TANGO6: variants seen among roughly 807,000 people sequenced by gnomAD.
TANGO6 encodes the protein transport and golgi organization 6 homolog.
Under a neutral mutation model 114.2 loss-of-function variants are expected in TANGO6, and 90 were observed. The observed-to-expected ratio is 0.79, with a 90% CI of 0.66 to 0.94. TANGO6 has a LOEUF of 0.94. Among genes scored for constraint, TANGO6 ranks in the 40% least tolerant of loss-of-function variants. The pLI, the probability that TANGO6 is intolerant of heterozygous loss-of-function variation, is 0.00. For synonymous variants in TANGO6, 477 were observed against 509.8 expected, an observed-to-expected ratio of 0.94 and a Z score of 0.87; for missense variants, 1,274 against 1,315.3, an observed-to-expected ratio of 0.97 and a Z score of 0.49.
chr16:68,915,783 AG>A (rs1962995798), intron 11 of TANGO6, among the ~76,000 whole-genome samples: 1 of 152,200 alleles, frequency 6.6e-6, no homozygotes, highest in African/African-American at 2.4e-5. Flanking sequence ...TTGCTTCAGA[AG>A]ACAAGTGTTA....
Position 68,951,331 on chromosome 16 carries a change from C to T in TANGO6, c.2701+21036C>T, listed in dbSNP as rs1207733975. 4.9e-5 allele frequency among the ~76,000 whole-genome samples: 6 copies of T among 121,568 alleles called. No homozygotes were observed. In the South Asian group the frequency reaches 1.1e-3, roughly 22 times the overall value. The allele number at this position is 121,568 out of a possible 152,430, so 79.8% of individuals were successfully genotyped here. ...GAGACCCTGTCTCAAAAAAAAAAGG[C>T]AGGGTGGGGGGGTTGGGCAAATATA... On this transcript the variant is annotated intron_variant, in intron 14 of 17. Coordinates refer to ENST00000261778, the MANE Select transcript of TANGO6 (RefSeq NM_024562.2).
chr16:69,000,455 A>G (rs1964030218), intron 15 of TANGO6, among the ~76,000 whole-genome samples: 1 of 152,222 alleles, frequency 6.6e-6, no homozygotes, highest in Non-Finnish European at 1.5e-5. Context: ...AAAAAGACAA[A>G]AACTTTTACT....
intron 11 of TANGO6, among the ~76,000 whole-genome samples, chr16:68,912,441 C>T (rs1483767806): frequency 6.6e-6 from 1 of 151,850 alleles, no homozygotes; most frequent in East Asian, 1.9e-4. Flanking sequence ...TGAGACCAGC[C>T]TGGCCAACAT....
intron 17 of TANGO6, among the ~76,000 whole-genome samples, chr16:69,072,026 CGTGTGTGTGTGT>C (rs58310609): frequency 2.0e-4 from 19 of 93,018 alleles, no homozygotes; most frequent in South Asian, 4.3e-4. Flanking sequence ...AGAGGGAGAC[CGTGTGTGTGTGT>C]GTGTGTGTGT....
chr16:68,869,106 A>G (rs1484394344), intron 4 of TANGO6, among the ~76,000 whole-genome samples: 1 of 151,984 alleles, frequency 6.6e-6, no homozygotes, highest in Non-Finnish European at 1.5e-5. Flanking sequence ...TTTTTTGTAC[A>G]TCTGATTAGT....
Position 68,904,989 on chromosome 16 carries a change from G to A in TANGO6, c.1668-2454G>A, listed in dbSNP as rs189909935. ...TGTAATCCCAGCATTTTGGGAGGCC[G>A]AGACGGGCGGATCACCTGAGGTCAA... On this transcript the variant is annotated intron_variant, in intron 9 of 17. Coordinates refer to ENST00000261778, the MANE Select transcript of TANGO6 (RefSeq NM_024562.2). 2.0e-3 allele frequency among the ~76,000 whole-genome samples: 299 copies of A among 152,010 alleles called. 1 individual carries two copies. The highest frequency in any genetic ancestry group is 6.7e-3 in the African/African-American group (277 of 41,432).
chr16:68,938,889 C>A (rs1485966394), intron 14 of TANGO6, among the ~76,000 whole-genome samples: 2 of 151,544 alleles, frequency 1.3e-5, no homozygotes, highest in Non-Finnish European at 2.9e-5. Context: ...GGAGAGCTGG[C>A]ATTATAAAGA....
At chr16:68,920,437 G>A (rs1963073546) in intron 12 of TANGO6, among the ~76,000 whole-genome samples, 1 of 152,186 alleles carries the variant, frequency 6.6e-6, no homozygotes, top group Non-Finnish European at 1.5e-5. Flanking sequence ...AGACCAAGGG[G>A]AAGAGCATGC....
chr16:68,873,991 A>G (rs1016476762), intron 4 of TANGO6, among the ~76,000 whole-genome samples: 2 of 152,182 alleles, frequency 1.3e-5, no homozygotes, highest in African/African-American at 4.8e-5. Context: ...CCTGTGTATT[A>G]GGAGATCCTC....
At chr16:68,939,088 A>G (rs74493995) in intron 14 of TANGO6, among the ~76,000 whole-genome samples, 1 of 150,774 alleles carries the variant, frequency 6.6e-6, no homozygotes. Flanking sequence ...AAAAAAAAAA[A>G]AAAGCAAACA....
chr16:69,081,651 A>C (rs1302098880), intron 17 of TANGO6, among the ~76,000 whole-genome samples: 1 of 151,556 alleles, frequency 6.6e-6, no homozygotes, highest in African/African-American at 2.4e-5. Flanking sequence ...CAGTTCCCTT[A>C]TTTTTGTTTC....
chr16:69,021,181 C>T (rs1272888810), intron 15 of TANGO6, among the ~76,000 whole-genome samples: 2 of 152,112 alleles, frequency 1.3e-5, no homozygotes, highest in Non-Finnish European at 2.9e-5. Flanking sequence ...TCCTGCAAGG[C>T]CCTTCATGAT....
intron 16 of TANGO6, among the ~76,000 whole-genome samples, chr16:69,031,127 C>T (rs894150194): frequency 6.6e-6 from 1 of 151,926 alleles, no homozygotes; most frequent in African/African-American, 2.4e-5. Flanking sequence ...GGAGCTGCTG[C>T]TTTGGGGCAC....
At chr16:69,078,643 T>A (rs1365524203) in intron 17 of TANGO6, among the ~76,000 whole-genome samples, 1 of 152,224 alleles carries the variant, frequency 6.6e-6, no homozygotes, top group Non-Finnish European at 1.5e-5. Context: ...CCAGAAGCCT[T>A]TTAAAGGCAA....
intron 16 of TANGO6, among the ~76,000 whole-genome samples, chr16:69,039,840 A>G (rs1959747059): frequency 1.3e-5 from 2 of 152,186 alleles, no homozygotes; most frequent in South Asian, 4.1e-4. Flanking sequence ...TGAAACTTTC[A>G]TCAATGGTAC....
intron 1 of TANGO6, among the ~76,000 whole-genome samples, chr16:68,848,072 G>A (rs949963527): frequency 1.4e-5 from 2 of 148,126 alleles, no homozygotes; most frequent in African/African-American, 5.0e-5. Flanking sequence ...GGATGTTATT[G>A]TTTCTCTCTC....
intron 15 of TANGO6, among the ~76,000 whole-genome samples, chr16:68,976,771 G>A (rs1429108917): frequency 6.6e-6 from 1 of 152,196 alleles, no homozygotes; most frequent in Non-Finnish European, 1.5e-5. Context: ...CTGTGTTCTT[G>A]TCATGCATGG....
In TANGO6 at chr16:68,919,185, G is replaced by A. The variant is rs1358824074; in HGVS notation, c.2093G>A (p.Gly698Glu). ...TCACAGACGCTGAGCATGTCCATGG[G>A]GCTGGTGGCTGTCATGCTAGGAGGA... Reference protein sequence around the residue: ...VESQTLSMSMGLVAVMLGGAV... With the variant: ...VESQTLSMSMELVAVMLGGAV... The change falls in exon 12 of 18, where the codon GGG becomes GAG. Residue 698 changes from glycine to glutamate, a missense_variant. Transcript: ENST00000261778. 2.5e-6 allele frequency: 4 copies of A among 1,612,778 alleles called. No individual in the cohort carries two copies. The highest frequency in any genetic ancestry group is 3.4e-6 in the Non-Finnish European group (4 of 1,179,482).
chr16:68,940,526 A>C (rs1211552938), intron 14 of TANGO6, among the ~76,000 whole-genome samples: 1 of 152,080 alleles, frequency 6.6e-6, no homozygotes, highest in Non-Finnish European at 1.5e-5. Context: ...CAGCCTGGAC[A>C]ATGTCCACTT....
Sources: gnomAD v4.1 joint callset for allele counts (sites outside exome capture counted in the v4.1 genomes callset) on GRCh38, gnomAD v4.1.1 for gene constraint, MANE v1.5 for transcripts, NCBI Gene and HGNC (gene_info 2026-07-23, HGNC 2026-07-21) for gene names.